Variants in LUZP2 observed in about 807,000 individuals in gnomAD.
LUZP2 encodes the protein leucine zipper protein 2.
LUZP2 carries 52 observed loss-of-function variants against 51.6 expected under a neutral mutation model. The observed-to-expected ratio is 1.01, with a 90% CI of 0.81 to 1.27. The LOEUF (loss-of-function observed/expected upper bound fraction) is 1.27. Ranked by LOEUF, LUZP2 falls within the 50% of genes most tolerant of loss-of-function variation. LUZP2 has a pLI of 0.00. For missense variants in LUZP2, 436 were observed against 395.4 expected (o/e 1.10, Z -0.87); for synonymous variants, 154 against 137.3 (o/e 1.12, Z -0.85).
At chr11:25,050,012 TTCTA>T in intron 9 of LUZP2, 22 bp from the exon 10 acceptor site, 1 of 1,410,712 alleles carries the variant, frequency 7.1e-7, no homozygotes, top group Non-Finnish European at 9.7e-7. Flanking sequence ...ATTTCTTTCT[TTCTA>T]TCTCTCTTCG....
At chr11:24,774,288 G>T (rs1015904877) in intron 5 of LUZP2, among the ~76,000 whole-genome samples, 1 of 144,278 alleles carries the variant, frequency 6.9e-6, no homozygotes, top group Non-Finnish European at 1.5e-5. Context: ...GCCTATTATG[G>T]GGCCCTGTGA....
rs2134067652 is a variant in LUZP2 at position 25,080,910 on chromosome 11, C to T, written c.*2252C>T. 6.6e-6 allele frequency: 1 copy of T among 151,984 alleles called. No homozygotes were observed. The highest frequency in any genetic ancestry group is 2.1e-4 in the South Asian group (1 of 4,816). The allele number at this position is 151,984 out of a possible 1,614,324, so 9.4% of individuals were successfully genotyped here. A position where few individuals can be genotyped will look rare whatever the true frequency, so the allele number is the denominator to read the frequency against. On this transcript the variant is annotated 3_prime_UTR_variant, in exon 12 of 12. Coordinates refer to ENST00000336930, the MANE Select transcript of LUZP2 (RefSeq NM_001009909.4). The stretch of plus-strand genomic sequence containing the variant: ...GAGATAACATGTTGAAAGGTAAGAA[C>T]TCAGGTTGATATTAATCATGTTTTT...
chr11:24,505,820 A>AG (rs1850130518), intron 1 of LUZP2, among the ~76,000 whole-genome samples: 1 of 152,250 alleles, frequency 6.6e-6, no homozygotes, highest in Admixed American at 6.5e-5. Context: ...GGCTTTTAAG[A>AG]GAAAAAAAAA....
chr11:24,977,713 T>G (rs1855917114), intron 8 of LUZP2, among the ~76,000 whole-genome samples: 1 of 151,656 alleles, frequency 6.6e-6, no homozygotes, highest in Non-Finnish European at 1.5e-5. Context: ...ATATGTATGT[T>G]GCACATATGC....
intron 1 of LUZP2, among the ~76,000 whole-genome samples, chr11:24,542,277 T>A (rs2133720512): frequency 6.6e-6 from 1 of 152,158 alleles, no homozygotes; most frequent in Non-Finnish European, 1.5e-5. Flanking sequence ...GAAGAGAAAG[T>A]TTCTGAGTTA....
intron 9 of LUZP2, among the ~76,000 whole-genome samples, chr11:25,003,147 G>T (rs1188288780): frequency 6.6e-6 from 1 of 152,192 alleles, no homozygotes; most frequent in Non-Finnish European, 1.5e-5. Flanking sequence ...AAGAGATCTA[G>T]AGTAGCCTGC....
chr11:25,041,236 A>G (rs1385280387), intron 9 of LUZP2, among the ~76,000 whole-genome samples: 1 of 152,172 alleles, frequency 6.6e-6, no homozygotes, highest in Non-Finnish European at 1.5e-5. Flanking sequence ...TTTTCTATAC[A>G]TACTTATGAT....
chr11:25,068,793 G>A (rs369875933), intron 10 of LUZP2, among the ~76,000 whole-genome samples: 36 of 151,988 alleles, frequency 2.4e-4, no homozygotes, highest in African/African-American at 7.7e-4. Context: ...TTCTTGAACC[G>A]TACCTACTCT....
chr11:24,783,645 G>C (rs987346742), intron 5 of LUZP2, among the ~76,000 whole-genome samples: 1 of 151,866 alleles, frequency 6.6e-6, no homozygotes, highest in African/African-American at 2.4e-5. Context: ...GGAGGACTCT[G>C]ATTTGTTCTT....
chr11:24,997,870 A>AT (rs1477633069), intron 9 of LUZP2, among the ~76,000 whole-genome samples: 2 of 152,206 alleles, frequency 1.3e-5, no homozygotes, highest in Non-Finnish European at 2.9e-5. Context: ...CACTTATTAA[A>AT]TAGGGAATCC....
At chr11:24,974,937 T>A (rs554190141) in intron 7 of LUZP2, among the ~76,000 whole-genome samples, 192 of 152,140 alleles carry the variant, frequency 1.3e-3, no homozygotes, top group Admixed American at 6.3e-3. Context: ...ATAGGGAAAA[T>A]GTGCATATGT....
intron 5 of LUZP2, among the ~76,000 whole-genome samples, chr11:24,815,904 T>C (rs1489004205): frequency 1.3e-5 from 2 of 151,918 alleles, no homozygotes; most frequent in Non-Finnish European, 2.9e-5. Flanking sequence ...CTGAAGGAAG[T>C]GCAATGGAGC....
At position 24,611,331 on chromosome 11, in the gene LUZP2, A is replaced by G. The variant is rs951076744; in HGVS notation, c.62+114026A>G. 6.6e-6 allele frequency among the ~76,000 whole-genome samples: 1 copy of G among 152,166 alleles called. No homozygotes were observed. Among genetic ancestry groups the G allele is most frequent in the East Asian group, 1.9e-4 (1 of 5,162 alleles). On this transcript the variant is annotated intron_variant, in intron 1 of 11. Coordinates refer to ENST00000336930, the MANE Select transcript of LUZP2 (RefSeq NM_001009909.4). The surrounding 1 kb of genome is among the most constrained non-coding windows in gnomAD (Gnocchi z 4.6). ...CAGTCCATTATTCAAAAGAATGTAT[A>G]TATCTAATTCATTTGATCTTCATAA...
intron 1 of LUZP2, among the ~76,000 whole-genome samples, chr11:24,654,271 A>C (rs1855728662): frequency 6.6e-6 from 1 of 152,154 alleles, no homozygotes. Flanking sequence ...GATTTACATA[A>C]ATAATTTCAT....
intron 1 of LUZP2, among the ~76,000 whole-genome samples, chr11:24,502,573 A>T (rs1460400621): frequency 1.3e-5 from 2 of 151,884 alleles, no homozygotes; most frequent in African/African-American, 4.8e-5. Flanking sequence ...TTTAGTGAAG[A>T]TGGGGCTTCA....
At chr11:24,783,578 G>A (rs1199733147) in intron 5 of LUZP2, among the ~76,000 whole-genome samples, 2 of 151,802 alleles carry the variant, frequency 1.3e-5, no homozygotes, top group Non-Finnish European at 2.9e-5. Flanking sequence ...TGATTCCTCT[G>A]GTATGCATTT....
intron 7 of LUZP2, among the ~76,000 whole-genome samples, chr11:24,937,815 G>A (rs1213735147): frequency 1.3e-5 from 2 of 151,780 alleles, no homozygotes; most frequent in Admixed American, 6.6e-5. Context: ...GCAGGAAAAT[G>A]GTGTGAACCC....
chr11:24,742,252 TTTTAC>T (rs1859209638), intron 4 of LUZP2, among the ~76,000 whole-genome samples: 1 of 151,464 alleles, frequency 6.6e-6, no homozygotes, highest in South Asian at 2.1e-4. Flanking sequence ...GTAGTTCTAC[TTTTAC>T]TTATTTAAGG....
chr11:24,966,818 TA>T, intron 7 of LUZP2, among the ~76,000 whole-genome samples: 1 of 147,574 alleles, frequency 6.8e-6, no homozygotes, highest in Non-Finnish European at 1.5e-5. Context: ...TTATATAATG[TA>T]AAAATATATA....
Sources: allele counts gnomAD v4.1 joint callset (sites outside exome capture counted in the v4.1 genomes callset), GRCh38; gene constraint gnomAD v4.1.1; non-coding constraint Gnocchi (gnomAD v3.1); transcripts MANE v1.5; gene names NCBI Gene and HGNC (gene_info 2026-07-23, HGNC 2026-07-21).